The following CNTN5 variants were observed in gnomAD, a reference collection of about 807,000 sequenced individuals.
The protein encoded by CNTN5 is contactin-5.
A neutral mutation model predicts 129.1 loss-of-function variants in CNTN5; 77 were observed. The ratio of observed to expected loss-of-function variants is 0.60; its 90% CI spans 0.50 to 0.72. The LOEUF (loss-of-function observed/expected upper bound fraction) is 0.72. Among genes scored for constraint, CNTN5 ranks in the 30% least tolerant of loss-of-function variants. The pLI, the probability that CNTN5 is intolerant of heterozygous loss-of-function variation, is 0.00. For synonymous variants in CNTN5, 509 were observed against 465.6 expected (o/e 1.09, Z -1.20); for missense variants, 1,478 against 1,328.8 (o/e 1.11, Z -1.75).
chr11:99,949,578 A>G (rs746637282), intron 7 of CNTN5, among the ~76,000 whole-genome samples: 3 of 152,168 alleles, frequency 2.0e-5, no homozygotes, highest in Non-Finnish European at 4.4e-5. Context: ...CTGTTGAGTA[A>G]ACACTGGCCC....
At chr11:100,205,236 G>A (rs545171035) in intron 15 of CNTN5, among the ~76,000 whole-genome samples, 6 of 151,820 alleles carry the variant, frequency 4.0e-5, no homozygotes, top group Admixed American at 2.6e-4. Context: ...TTTCTCTTTC[G>A]GCATCTGTTT....
At chr11:99,547,039 T>C (rs1344813982) in intron 2 of CNTN5, among the ~76,000 whole-genome samples, 3 of 150,612 alleles carry the variant, frequency 2.0e-5, no homozygotes, top group Non-Finnish European at 4.4e-5. Flanking sequence ...GTTTTGCCCT[T>C]GTTGTCCAGG....
chr11:99,326,843 A>G (rs1292914085), intron 2 of CNTN5, among the ~76,000 whole-genome samples: 1 of 152,184 alleles, frequency 6.6e-6, no homozygotes, highest in African/African-American at 2.4e-5. Flanking sequence ...ATCCATTGCT[A>G]TATTCTAACA....
chr11:100,047,710 G>C (rs1173443285), intron 9 of CNTN5, among the ~76,000 whole-genome samples: 5 of 152,088 alleles, frequency 3.3e-5, no homozygotes, highest in Admixed American at 3.3e-4. Context: ...CATAATTTTT[G>C]GGTTTCTCTG....
chr11:100,186,818 G>C (rs1409815767), intron 13 of CNTN5, among the ~76,000 whole-genome samples: 4 of 152,030 alleles, frequency 2.6e-5, no homozygotes, highest in Non-Finnish European at 5.9e-5. Flanking sequence ...GAAGACAAAG[G>C]GGCTGTATTG....
intron 3 of CNTN5, among the ~76,000 whole-genome samples, chr11:99,791,036 A>G (rs1190500563): frequency 6.6e-6 from 1 of 151,224 alleles, no homozygotes; most frequent in Non-Finnish European, 1.5e-5. Flanking sequence ...AGTTTCTTAT[A>G]GATTATTAGA....
chr11:99,204,742 T>G (rs7938151), intron 1 of CNTN5, among the ~76,000 whole-genome samples: 78,324 of 151,934 alleles, frequency 0.52, 20,443 homozygotes, highest in African/African-American at 0.61. Context: ...TAAATGGCCT[T>G]CAGTGAGGTT....
intron 1 of CNTN5, among the ~76,000 whole-genome samples, chr11:99,264,552 C>T (rs565541877): frequency 2.6e-5 from 4 of 152,114 alleles, no homozygotes; most frequent in African/African-American, 9.6e-5. Context: ...GGAAGACACA[C>T]TTGGCTTACT....
chr11:100,223,597 T>G (rs999163753), intron 15 of CNTN5, among the ~76,000 whole-genome samples: 1 of 152,120 alleles, frequency 6.6e-6, no homozygotes, highest in African/African-American at 2.4e-5. Context: ...AACACATCAC[T>G]TTTTAAAGGT....
chr11:99,361,545 A>G (rs779840299), intron 2 of CNTN5, among the ~76,000 whole-genome samples: 3 of 152,146 alleles, frequency 2.0e-5, no homozygotes, highest in Admixed American at 6.6e-5. Context: ...ATTGAGTTGC[A>G]TTAGTTTGCT....
intron 13 of CNTN5, among the ~76,000 whole-genome samples, chr11:100,101,940 G>A (rs1037307673): frequency 1.3e-5 from 2 of 152,120 alleles, no homozygotes; most frequent in African/African-American, 4.8e-5. Flanking sequence ...AATATCAGTG[G>A]TGTAAACCTA....
intron 1 of CNTN5, among the ~76,000 whole-genome samples, chr11:99,156,330 CAATTAAAACAAT>C (rs1228072150): frequency 6.6e-6 from 1 of 151,910 alleles, no homozygotes; most frequent in Non-Finnish European, 1.5e-5. Context: ...CAGAAAACAT[CAATTAAAACAAT>C]AATTAAAACA....
At chr11:99,736,015 C>CTT (rs149008392) in intron 3 of CNTN5, among the ~76,000 whole-genome samples, 3 of 151,898 alleles carry the variant, frequency 2.0e-5, no homozygotes, top group Admixed American at 1.3e-4. Context: ...TTTTCTTTCT[C>CTT]TTTTTTTTCT....
intron 2 of CNTN5, among the ~76,000 whole-genome samples, chr11:99,393,586 G>A (rs4639899): frequency 0.076 from 11,489 of 151,666 alleles, 504 homozygotes; most frequent in Non-Finnish European, 0.095. Flanking sequence ...AAGACTTTAG[G>A]CTTTTTAACT....
At chr11:99,518,697 A>G (rs570024790) in intron 2 of CNTN5, among the ~76,000 whole-genome samples, 2 of 152,206 alleles carry the variant, frequency 1.3e-5, no homozygotes, top group South Asian at 2.1e-4. Context: ...AAATGACAAG[A>G]TCTTCCATTT....
At chr11:99,933,615 G>A (rs749989014) in intron 7 of CNTN5, among the ~76,000 whole-genome samples, 9 of 152,066 alleles carry the variant, frequency 5.9e-5, no homozygotes, top group Non-Finnish European at 1.2e-4. Flanking sequence ...CTCTCACTTG[G>A]CATAATTTTG....
In CNTN5 at chr11:99,556,213, G is replaced by T; in HGVS notation, c.-2G>T. 6.6e-7 allele frequency: 1 copy of T among 1,511,322 alleles called. No homozygotes were observed. Among genetic ancestry groups the T allele is most frequent in the South Asian group, 1.3e-5 (1 of 77,708 alleles). The allele number at this position is 1,511,322 out of a possible 1,614,324, so 93.6% of individuals were successfully genotyped here. ...AGACACAGAAGATTCTAGTGACTGA[G>T]GATGGCTTCCTCTTGGAAACTAATG... is the stretch of plus-strand genomic sequence containing the variant. On this transcript the variant is annotated 5_prime_UTR_variant, in exon 3 of 25. It adds an upstream start codon to the 5' untranslated region. Transcript: ENST00000524871.
chr11:99,114,278 A>G (rs532755268), intron 1 of CNTN5, among the ~76,000 whole-genome samples: 5 of 152,254 alleles, frequency 3.3e-5, no homozygotes, highest in Non-Finnish European at 2.9e-5. Context: ...GGCCTTTCAA[A>G]AGTCCCTTTA....
chr11:99,859,645 C>A (rs1320383271), intron 6 of CNTN5, among the ~76,000 whole-genome samples: 1 of 152,158 alleles, frequency 6.6e-6, no homozygotes, highest in Non-Finnish European at 1.5e-5. Context: ...GGATAATGGC[C>A]TCCAGCTGCA....
Sources: allele counts gnomAD v4.1 joint callset (sites outside exome capture counted in the v4.1 genomes callset), GRCh38; gene constraint gnomAD v4.1.1; transcripts MANE v1.5; gene names NCBI Gene and HGNC (gene_info 2026-07-23, HGNC 2026-07-21).